The following KCNK18 variants were observed in gnomAD, a reference collection of about 807,000 sequenced individuals.
The protein encoded by KCNK18 is potassium channel subfamily K member 18.
A neutral mutation model predicts 11.8 loss-of-function variants in KCNK18; 8 were observed. The observed-to-expected ratio is 0.68, with a 90% confidence interval of 0.40 to 1.22. The LOEUF is 1.22. Among genes scored for constraint, KCNK18 ranks in the 50% most tolerant of loss-of-function variants. The pLI is 0.01. For synonymous variants in KCNK18, 208 were observed against 185.8 expected (o/e 1.12, Z -0.97); for missense variants, 442 against 465.4 (o/e 0.95, Z 0.46).
At chr10:117,199,778 TC>T (rs1459658893) in intron 1 of KCNK18, among the ~76,000 whole-genome samples, 1 of 152,002 alleles carries the variant, frequency 6.6e-6, no homozygotes, top group Non-Finnish European at 1.5e-5. Flanking sequence ...GTGTGTAGAC[TC>T]CCAGGCTGGT....
At chr10:117,206,260 C>T (rs375743925) in intron 2 of KCNK18, among the ~76,000 whole-genome samples, 1 of 152,128 alleles carries the variant, frequency 6.6e-6, no homozygotes, top group Non-Finnish European at 1.5e-5. Flanking sequence ...CCTTCCTTGC[C>T]TCTTCCTTGG....
At chr10:117,200,892 G>T (rs1446454871) in intron 1 of KCNK18, among the ~76,000 whole-genome samples, 2 of 152,076 alleles carry the variant, frequency 1.3e-5, no homozygotes, top group African/African-American at 4.8e-5. Context: ...CCAGGGCTAA[G>T]CTCTGGTGGG....
chr10:117,204,334 C>T (rs1855051735), intron 2 of KCNK18, among the ~76,000 whole-genome samples: 2 of 151,748 alleles, frequency 1.3e-5, no homozygotes, highest in African/African-American at 2.4e-5. Flanking sequence ...ATTTCTCAAC[C>T]TCAGCACTAT....
chr10:117,209,675 C>CT lies in KCNK18; in HGVS notation c.532dup (p.Ser178PhefsTer20). 6.2e-7 allele frequency: 1 copy of CT among 1,614,158 alleles called. No homozygotes were observed. Among genetic ancestry groups the CT allele is most frequent in the Admixed American group, 1.7e-5 (1 of 60,024 alleles). ...TCCCTTTCTTTACCCGCCCCCTCCT[C>CT]TCCAAGTGGTGCCCCAAATCTCTCT... On this transcript the variant is annotated frameshift_variant, in exon 3 of 3. Coordinates refer to ENST00000334549, the MANE Select transcript of KCNK18 (RefSeq NM_181840.1). LOFTEE classifies it low-confidence loss of function (END_TRUNC).
Position 117,197,527 on chromosome 10 carries a change from C to T in KCNK18, c.39C>T (p.Cys13=), listed in dbSNP as rs1589964469. The T allele has an allele frequency of 1.2e-6, 2 of 1,613,882 alleles. No homozygotes were observed. The highest frequency in any genetic ancestry group is 1.7e-6 in the Non-Finnish European group (2 of 1,179,992). The stretch of plus-strand genomic sequence containing the variant: ...GGCACCCCCAGGCCAGGAGATGCTG[C>T]CCAGAGGCCCTGGGAAAGCTCTTCC... ...VSGHPQARRC[C]PEALGKLFPG... The change falls in exon 1 of 3, where the codon TGC becomes TGT. Residue 13 remains cysteine, a synonymous_variant. Transcript: ENST00000334549.
At chr10:117,202,100 C>T (rs528969751) in intron 2 of KCNK18, among the ~76,000 whole-genome samples, 1 of 152,348 alleles carries the variant, frequency 6.6e-6, no homozygotes, top group East Asian at 1.9e-4. Flanking sequence ...ACTGTGGGCC[C>T]TCTCCTCCTT....
chr10:117,207,075 C>T (rs1855085193), intron 2 of KCNK18, among the ~76,000 whole-genome samples: 1 of 152,148 alleles, frequency 6.6e-6, no homozygotes, highest in African/African-American at 2.4e-5. Context: ...GTTGCCCAGG[C>T]TGGAGTACAG....
At position 117,209,513 on chromosome 10, in the gene KCNK18, C is replaced by G. The variant is rs773865298; in HGVS notation, c.369C>G (p.Tyr123Ter). 8 of 1,613,978 alleles carry G rather than the reference C, an allele frequency of 5.0e-6. No individual in the cohort carries two copies. Among genetic ancestry groups the G allele is most frequent in the Non-Finnish European group, 6.8e-6 (8 of 1,179,956 alleles). The change falls in exon 3 of 3, where the codon TAC becomes TAG. Residue 123 changes from tyrosine to a stop codon, truncating the protein, a stop_gained. Coordinates refer to ENST00000334549, the MANE Select transcript of KCNK18 (RefSeq NM_181840.1). LOFTEE classifies it low-confidence loss of function (END_TRUNC). ...VFSTVGYGYI[Y>*]PVTRLGKYLC... Reference sequence around the variant, plus strand: ...CTTTTTCAGGCTATGGCTACATCTACCCCGTCACCAGGCTTGGCAAGTACT... The same window carrying G: ...CTTTTTCAGGCTATGGCTACATCTAGCCCGTCACCAGGCTTGGCAAGTACT...
At chr10:117,199,204 C>T (rs1854985699) in intron 1 of KCNK18, among the ~76,000 whole-genome samples, 1 of 152,152 alleles carries the variant, frequency 6.6e-6, no homozygotes. Flanking sequence ...CTTGTAGTCC[C>T]AGCTACTTGG....
chr10:117,201,715 A>G (rs17095832), intron 2 of KCNK18, among the ~76,000 whole-genome samples: 10,156 of 152,248 alleles, frequency 0.067, 544 homozygotes, highest in Admixed American at 0.16. Flanking sequence ...CGTGCTTATG[A>G]GCAAAACGTT....
intron 2 of KCNK18, among the ~76,000 whole-genome samples, chr10:117,202,868 C>A (rs1477686612): frequency 7.3e-6 from 1 of 137,348 alleles, no homozygotes; most frequent in African/African-American, 2.6e-5. Flanking sequence ...CACGTGGTTT[C>A]TCCCATTTGC....
intron 2 of KCNK18, among the ~76,000 whole-genome samples, chr10:117,203,782 C>A (rs1298703819): frequency 1.3e-5 from 2 of 152,200 alleles, no homozygotes; most frequent in Non-Finnish European, 2.9e-5. Flanking sequence ...GGTGATCCAT[C>A]CGTCTCGGCC....
At chr10:117,206,063 AG>A (rs1460528461) in intron 2 of KCNK18, among the ~76,000 whole-genome samples, 8 of 152,180 alleles carry the variant, frequency 5.3e-5, no homozygotes, top group African/African-American at 1.9e-4. Context: ...TAAAAAAAAA[AG>A]ATACAAACCT....
In KCNK18 at chr10:117,201,167, GACAGAAA is replaced by G; in HGVS notation, c.237_243del (p.Lys80IlefsTer9). 1 of 1,614,212 alleles carries G rather than the reference GACAGAAA, an allele frequency of 6.2e-7. No individual in the cohort carries two copies. Among genetic ancestry groups the G allele is most frequent in the African/African-American group, 1.3e-5 (1 of 75,066 alleles). On this transcript the variant is annotated frameshift_variant, in exon 2 of 3. Transcript: ENST00000334549. LOFTEE classifies it high-confidence loss of function. Reference sequence around the variant, plus strand: ...GTCATGTCTTTCTCCAGTGGTGGAAGACAGAAAACAGGATCTCCAGGGGCATCTGCAG... The same window carrying G: ...GTCATGTCTTTCTCCAGTGGTGGAAGACAGGATCTCCAGGGGCATCTGCAG...
intron 2 of KCNK18, among the ~76,000 whole-genome samples, 185 bp from the exon 3 acceptor site, chr10:117,209,312 T>A (rs1855113199): frequency 6.6e-6 from 1 of 152,178 alleles, no homozygotes. Flanking sequence ...TTTCACTCCT[T>A]TCCCTCCCAC....
rs750157980 is a variant in KCNK18, at chr10:117,202,885, G to GTTTTTTTTTTTTTTTTTTTTTT, written c.352+1598_352+1599insTTTTTTTTTTTTTTTTTTTTTT. ...CGTGGTTTCTCCCATTTGCCTGAATGCTTTTTTTTTTTTTTTTTTTTTTGA... is the reference window on the plus strand; with the variant it reads ...CGTGGTTTCTCCCATTTGCCTGAATGTTTTTTTTTTTTTTTTTTTTTTCTTTTTTTTTTTTTTTTTTTTTTGA... On this transcript the variant is annotated intron_variant, in intron 2 of 2. Coordinates refer to ENST00000334549, the MANE Select transcript of KCNK18 (RefSeq NM_181840.1). 9.9e-5 allele frequency among the ~76,000 whole-genome samples: 11 copies of GTTTTTTTTTTTTTTTTTTTTTT among 111,294 alleles called. 3 individuals carry two copies. Among genetic ancestry groups the GTTTTTTTTTTTTTTTTTTTTTT allele is most frequent in the African/African-American group, 1.1e-4 (3 of 27,642 alleles). 73.0% of individuals were successfully genotyped at this position (111,294 alleles called of 152,430 possible). A position where few individuals can be genotyped will look rare whatever the true frequency, so the allele number is the denominator to read the frequency against.
At chr10:117,198,568 T>C (rs1463320671) in intron 1 of KCNK18, among the ~76,000 whole-genome samples, 1 of 152,214 alleles carries the variant, frequency 6.6e-6, no homozygotes, top group Non-Finnish European at 1.5e-5. Context: ...AAGCTTGTTA[T>C]TGTATTCAAC....
In KCNK18 at chr10:117,201,265, C is replaced by G; in HGVS notation, c.330C>G (p.Cys110Trp). ...CCTTCCTGAGCTCGCTCTTTTTCTGCTGCACGGTGTTCAGCACCGTGGGTA... is the reference window on the plus strand; with the variant it reads ...CCTTCCTGAGCTCGCTCTTTTTCTGGTGCACGGTGTTCAGCACCGTGGGTA... ...HWSFLSSLFFCCTVFSTVGYG... is the reference protein window; with the variant it reads ...HWSFLSSLFFWCTVFSTVGYG... Residue 110 changes from cysteine to tryptophan, a missense_variant, in exon 2 of 3, where the codon TGC becomes TGG. Cys to Trp is a radical substitution (Grantham distance 215, BLOSUM62 -2). Transcript: ENST00000334549. 6.2e-7 allele frequency: 1 copy of G among 1,613,852 alleles called. No individual in the cohort carries two copies.
In KCNK18 at chr10:117,201,178, G is replaced by T; in HGVS notation, c.243G>T (p.Gln81His). The change falls in exon 2 of 3, where the codon CAG becomes CAT. Residue 81 changes from glutamine to histidine, a missense_variant. Gln to His is a conservative substitution (Grantham distance 24). Coordinates refer to ENST00000334549, the MANE Select transcript of KCNK18 (RefSeq NM_181840.1). Reference sequence around the variant, plus strand: ...CTCCAGTGGTGGAAGACAGAAAACAGGATCTCCAGGGGCATCTGCAGAAGG... The same window carrying T: ...CTCCAGTGGTGGAAGACAGAAAACATGATCTCCAGGGGCATCTGCAGAAGG... Reference protein sequence around the residue: ...CSETVVEDRKQDLQGHLQKVK... With the variant: ...CSETVVEDRKHDLQGHLQKVK... The T allele has an allele frequency of 6.2e-7, 1 of 1,614,204 alleles. No individual in the cohort carries two copies. Among genetic ancestry groups the T allele is most frequent in the Non-Finnish European group, 8.5e-7 (1 of 1,180,024 alleles).
Sources: allele counts gnomAD v4.1 joint callset (sites outside exome capture counted in the v4.1 genomes callset), GRCh38; gene constraint gnomAD v4.1.1; transcripts MANE v1.5; gene names NCBI Gene and HGNC (gene_info 2026-07-23, HGNC 2026-07-21).